The following ACTR3C variants were observed in gnomAD, a reference collection of about 807,000 sequenced individuals.
The protein encoded by ACTR3C is actin-related protein 3C.
Under a neutral mutation model 26.3 loss-of-function variants are expected in ACTR3C, and 18 were observed. The ratio of observed to expected loss-of-function variants is 0.68; its 90% CI spans 0.47 to 1.01. The LOEUF is 1.01. ACTR3C is among the 50% of genes least tolerant of loss of function. ACTR3C has a pLI of 0.00. For synonymous variants in ACTR3C, 55 were observed against 94.5 expected, an observed-to-expected ratio of 0.58 and a Z score of 2.42; for missense variants, 184 against 250.7, an observed-to-expected ratio of 0.73 and a Z score of 1.80.
the ACTR3C span, among the ~76,000 whole-genome samples, chr7:150,070,140 T>G: frequency 7.9e-5 from 12 of 152,190 alleles, no homozygotes; most frequent in African/African-American, 2.7e-4. Context: ...AGCACTGTTA[T>G]GATGCAGGAG....
At chr7:149,899,640 T>G in the ACTR3C span, among the ~76,000 whole-genome samples, 1 of 145,470 alleles carries the variant, frequency 6.9e-6, no homozygotes, top group South Asian at 2.2e-4. Context: ...CAGGGACATC[T>G]GGGATATATA....
At chr7:149,929,792 A>G in the ACTR3C span, among the ~76,000 whole-genome samples, 74 of 152,252 alleles carry the variant, frequency 4.9e-4, no homozygotes, top group African/African-American at 1.7e-3. Context: ...CAGCCTCCCA[A>G]AGTGCTGGGA....
chr7:149,917,687 AGTG>A, the ACTR3C span, among the ~76,000 whole-genome samples: 1 of 126,998 alleles, frequency 7.9e-6, no homozygotes, highest in Non-Finnish European at 1.6e-5. Flanking sequence ...CCCAGGCTGG[AGTG>A]CAGTGGTGCA....
chr7:149,943,778 T>C, the ACTR3C span, among the ~76,000 whole-genome samples: 96,659 of 142,106 alleles, frequency 0.68, 33,691 homozygotes, highest in African/African-American at 0.8. Context: ...ACTTACTTTG[T>C]TTTCTATAAT....
the ACTR3C span, among the ~76,000 whole-genome samples, chr7:149,902,323 C>T: frequency 1.3e-5 from 2 of 148,678 alleles, no homozygotes; most frequent in African/African-American, 2.5e-5. Context: ...GATACACAAC[C>T]AGACAAAAAC....
chr7:150,038,548 T>C, the ACTR3C span, among the ~76,000 whole-genome samples: 12 of 145,456 alleles, frequency 8.2e-5, no homozygotes, highest in Admixed American at 8.1e-4. Flanking sequence ...CCACAGCTCC[T>C]AAGAATTCTC....
the ACTR3C span, among the ~76,000 whole-genome samples, chr7:150,142,206 C>T: frequency 6.6e-6 from 1 of 152,168 alleles, no homozygotes; most frequent in African/African-American, 2.4e-5. Context: ...TCCTCCCTGG[C>T]TCACCCACCT....
At chr7:150,273,619 G>C (rs1051725214) in intron 6 of ACTR3C, among the ~76,000 whole-genome samples, 2 of 150,202 alleles carry the variant, frequency 1.3e-5, no homozygotes, top group Non-Finnish European at 2.9e-5. Context: ...GTTTACTTTC[G>C]CAGTTTAACA....
At chr7:150,200,070 GC>G in the ACTR3C span, among the ~76,000 whole-genome samples, 1 of 152,106 alleles carries the variant, frequency 6.6e-6, no homozygotes, top group East Asian at 1.9e-4. Context: ...GTAAATCAGA[GC>G]CATAATTTCT....
the ACTR3C span, among the ~76,000 whole-genome samples, chr7:150,119,321 G>T: frequency 1.3e-5 from 2 of 152,146 alleles, no homozygotes; most frequent in African/African-American, 4.8e-5. Context: ...AGACCCATTG[G>T]TATGCTGTAT....
chr7:150,165,650 C>T, the ACTR3C span, among the ~76,000 whole-genome samples: 2 of 151,902 alleles, frequency 1.3e-5, no homozygotes, highest in Admixed American at 1.3e-4. Context: ...TGTCTCCCAG[C>T]AGAGCAGCTG....
chr7:150,035,316 C>G, the ACTR3C span, among the ~76,000 whole-genome samples: 148 of 46,600 alleles, frequency 3.2e-3, 6 homozygotes, highest in South Asian at 6.1e-3. Flanking sequence ...GATGGGGGTA[C>G]CAACAGCCAG....
At chr7:150,145,076 C>T in the ACTR3C span, among the ~76,000 whole-genome samples, 19 of 152,072 alleles carry the variant, frequency 1.2e-4, no homozygotes, top group East Asian at 3.5e-3. Flanking sequence ...AGATTCCCCC[C>T]CTTTCCTATT....
chr7:150,220,155 A>C, the ACTR3C span, among the ~76,000 whole-genome samples: 2 of 147,168 alleles, frequency 1.4e-5, no homozygotes, highest in Admixed American at 1.3e-4. Flanking sequence ...CCCTCCACAA[A>C]CCTGCCGGAG....
the ACTR3C span, among the ~76,000 whole-genome samples, chr7:149,910,641 T>C: frequency 1.3e-5 from 2 of 152,152 alleles, no homozygotes; most frequent in Non-Finnish European, 2.9e-5. Flanking sequence ...TATTATTATT[T>C]CAACACTGCT....
the ACTR3C span, among the ~76,000 whole-genome samples, chr7:150,042,060 G>A: frequency 1.1e-4 from 7 of 64,440 alleles, no homozygotes; most frequent in African/African-American, 2.0e-4. Flanking sequence ...CCTAAGCCAG[G>A]GGGGGATGAG....
At chr7:150,277,572 C>T (rs1563171194) in intron 6 of ACTR3C, among the ~76,000 whole-genome samples, 1 of 152,196 alleles carries the variant, frequency 6.6e-6, no homozygotes, top group Non-Finnish European at 1.5e-5. Flanking sequence ...ACAAATGCAA[C>T]TCAACATCTC....
the ACTR3C span, among the ~76,000 whole-genome samples, chr7:150,223,847 A>G: frequency 1.3e-5 from 2 of 152,182 alleles, no homozygotes; most frequent in Admixed American, 6.5e-5. Flanking sequence ...ACTAGACAGC[A>G]CTCAATTTTT....
At chr7:150,161,442 C>T in the ACTR3C span, among the ~76,000 whole-genome samples, 1 of 151,590 alleles carries the variant, frequency 6.6e-6, no homozygotes, top group African/African-American at 2.4e-5. Flanking sequence ...TCAATTACCA[C>T]ATATGAGTGA....
Sources: gnomAD v4.1 joint callset for allele counts (sites outside exome capture counted in the v4.1 genomes callset) on GRCh38, gnomAD v4.1.1 for gene constraint, MANE v1.5 for transcripts, NCBI Gene and HGNC (gene_info 2026-07-23, HGNC 2026-07-21) for gene names.